Variants in PIP4K2C observed in about 807,000 individuals in gnomAD.
PIP4K2C encodes phosphatidylinositol-5-phosphate 4-kinase type 2 gamma.
PIP4K2C carries 21 observed loss-of-function variants against 45.0 expected under a neutral mutation model. The ratio of observed to expected loss-of-function variants is 0.47; its 90% confidence interval spans 0.33 to 0.67. The LOEUF (loss-of-function observed/expected upper bound fraction) is 0.67. Ranked by LOEUF, PIP4K2C falls within the 30% of genes least tolerant of loss-of-function variation. PIP4K2C has a pLI of 0.02. For missense variants in PIP4K2C, 456 were observed against 542.8 expected (o/e 0.84, Z 1.59); for synonymous variants, 201 against 204.8 (o/e 0.98, Z 0.16).
intron 7 of PIP4K2C, 34 bp from the exon 8 acceptor site, chr12:57,600,775 TGA>T (rs1343765923): frequency 3.7e-6 from 6 of 1,611,148 alleles, no homozygotes; most frequent in Non-Finnish European, 4.2e-6. Flanking sequence ...CAGTGAAGAG[TGA>T]GAGAGAGGTG....
chr12:57,600,229 C>A, intron 6 of PIP4K2C, 95 bp from the exon 7 acceptor site: 1 of 703,402 alleles, frequency 1.4e-6, no homozygotes, highest in Non-Finnish European at 2.4e-6. Context: ...TAGATGAGAT[C>A]TAACTGAGCT....
chr12:57,600,789 C>T lies in PIP4K2C; in HGVS notation c.814-22C>T, dbSNP rs192027331. ...GCAGTGAAGAGTGAGAGAGAGGTGT[C>T]TGATTTGTCAGTGGGTCTCAGTTTC... On this transcript the variant is annotated intron_variant, in intron 7 of 9. Transcript: ENST00000354947. 9 of 1,613,418 alleles carry T rather than the reference C, an allele frequency of 5.6e-6. No individual in the cohort carries two copies. In the African/African-American group the frequency reaches 1.2e-4, roughly 21 times the overall value.
chr12:57,595,702 C>CAA (rs67101543), intron 3 of PIP4K2C, among the ~76,000 whole-genome samples, 186 bp from the exon 4 acceptor site: 2 of 101,540 alleles, frequency 2.0e-5, no homozygotes, highest in African/African-American at 3.6e-5. Flanking sequence ...GACTCCTTGT[C>CAA]AAAAAAAAAA....
rs528065941 is a variant in PIP4K2C, at chr12:57,601,408, C to T, written c.1185+60C>T. The stretch of plus-strand genomic sequence containing the variant: ...TGACTATTCTTTGGGAATAGAGTCT[C>T]TTGTGCCAGAGCAATGGGGTGGCAA... On this transcript the variant is annotated intron_variant, in intron 9 of 9. Coordinates refer to ENST00000354947, the MANE Select transcript of PIP4K2C (RefSeq NM_024779.5). The T allele has an allele frequency of 1.8e-4, 286 of 1,554,030 alleles. 1 individual carries two copies. The African/African-American group carries it at 3.6e-3, about 19-fold the overall frequency.
intron 4 of PIP4K2C, among the ~76,000 whole-genome samples, chr12:57,598,764 G>T (rs1288367484): frequency 6.6e-6 from 1 of 152,074 alleles, no homozygotes; most frequent in South Asian, 2.1e-4. Context: ...TATAGAAAGG[G>T]TCTAAAATAA....
chr12:57,600,204 A>G (rs1883368432), intron 6 of PIP4K2C, 120 bp from the exon 7 acceptor site: 1 of 585,266 alleles, frequency 1.7e-6, no homozygotes, highest in East Asian at 3.0e-5. Context: ...CCAGGGAAGC[A>G]TCACAGTGTG....
Position 57,594,981 on chromosome 12 carries a change from T to C in PIP4K2C, c.273-145T>C, listed in dbSNP as rs11172260. The stretch of plus-strand genomic sequence containing the variant: ...GAGACTCTGTCTCAAAAAATAATAA[T>C]AACAAATAAAAATTAAAAAAAAAGG... On this transcript the variant is annotated intron_variant, in intron 2 of 9. Coordinates refer to ENST00000354947, the MANE Select transcript of PIP4K2C (RefSeq NM_024779.5). 4.6e-4 allele frequency: 265 copies of C among 578,384 alleles called. 1 individual carries two copies. In the East Asian group the frequency reaches 7.2e-3, roughly 16 times the overall value. 35.8% of individuals were successfully genotyped at this position (578,384 alleles called of 1,614,324 possible).
chr12:57,595,183 C>T lies in PIP4K2C; in HGVS notation c.330C>T (p.Asn110=). ...AGTATTGTCCCCAGGTCTTCAGGAA[C>T]CTCCGTGATCGATTTGGCATTGATG... The part of the protein sequence containing the change: ...FKEYCPQVFR[N]LRDRFGIDDQ... The change falls in exon 3 of 10, where the codon AAC becomes AAT. Residue 110 remains asparagine, a synonymous_variant. Transcript: ENST00000354947. 6.2e-7 allele frequency: 1 copy of T among 1,612,382 alleles called. No individual in the cohort carries two copies. The highest frequency in any genetic ancestry group is 8.5e-7 in the Non-Finnish European group (1 of 1,178,440).
chr12:57,599,900 C>T (rs799830), intron 6 of PIP4K2C, among the ~76,000 whole-genome samples: 139,833 of 152,104 alleles, frequency 0.92, 65,408 homozygotes, highest in East Asian at 1. Context: ...AAAAATTAGC[C>T]GGGCGTGGTG....
In PIP4K2C at chr12:57,602,015, G is replaced by C. The variant is rs1346365530; in HGVS notation, c.*409G>C. 1 of 209,614 alleles carries C rather than the reference G, an allele frequency of 4.8e-6. No homozygotes were observed. Among genetic ancestry groups the C allele is most frequent in the Non-Finnish European group, 9.8e-6 (1 of 102,150 alleles). The allele number at this position is 209,614 out of a possible 1,614,324, so 13.0% of individuals were successfully genotyped here. Reference sequence around the variant, plus strand: ...GCAACTACTCTGGATGCACTTTGCTGTGTGGGATGAACTAAAAGTGTCTGA... The same window carrying C: ...GCAACTACTCTGGATGCACTTTGCTCTGTGGGATGAACTAAAAGTGTCTGA... On this transcript the variant is annotated 3_prime_UTR_variant, in exon 10 of 10. Transcript: ENST00000354947.
intron 1 of PIP4K2C, among the ~76,000 whole-genome samples, chr12:57,592,746 A>G (rs1883016857): frequency 6.6e-6 from 1 of 152,000 alleles, no homozygotes; most frequent in African/African-American, 2.4e-5. Flanking sequence ...TAGCCCCAGC[A>G]CCCCACCCTC....
At chr12:57,593,290 T>G (rs2140182445) in intron 1 of PIP4K2C, among the ~76,000 whole-genome samples, 1 of 152,270 alleles carries the variant, frequency 6.6e-6, no homozygotes, top group South Asian at 2.1e-4. Context: ...AGAGCTCCCT[T>G]TCTACCCTGA....
chr12:57,594,466 A>G (rs1407647864), intron 2 of PIP4K2C, among the ~76,000 whole-genome samples: 1 of 152,146 alleles, frequency 6.6e-6, no homozygotes, highest in African/African-American at 2.4e-5. Flanking sequence ...AAGCCCTCCT[A>G]GGAAAAGAAG....
At chr12:57,596,433 C>A (rs1032108657) in intron 4 of PIP4K2C, among the ~76,000 whole-genome samples, 1 of 150,222 alleles carries the variant, frequency 6.7e-6, no homozygotes, top group Non-Finnish European at 1.5e-5. Flanking sequence ...TGTAGTGAGC[C>A]GAGATCGTGC....
chr12:57,591,528 T>C (rs1005579922), intron 1 of PIP4K2C, 65 bp downstream of exon 1: 19 of 1,481,068 alleles, frequency 1.3e-5, no homozygotes, highest in Non-Finnish European at 1.6e-5. Flanking sequence ...CGTCCCTGTT[T>C]CCAGGCTCCA....
Position 57,601,523 on chromosome 12 carries a change from C to T in PIP4K2C, c.1186-3C>T. On this transcript the variant is annotated splice_polypyrimidine_tract_variant and splice_region_variant and intron_variant, in intron 9 of 9. Transcript: ENST00000354947. ...ACATATTGTTCCGTATCTCCTCTCA[C>T]AGGCTGGGGCAGAGATCTCTACTGT... The T allele has an allele frequency of 6.2e-7, 1 of 1,611,806 alleles. No homozygotes were observed. Among genetic ancestry groups the T allele is most frequent in the Non-Finnish European group, 8.5e-7 (1 of 1,177,922 alleles).
chr12:57,598,860 T>G (rs1883303246), intron 4 of PIP4K2C, among the ~76,000 whole-genome samples: 1 of 152,222 alleles, frequency 6.6e-6, no homozygotes, highest in Middle Eastern at 3.4e-3. Flanking sequence ...GATGTACAAA[T>G]GGAAGGAATC....
intron 1 of PIP4K2C, among the ~76,000 whole-genome samples, chr12:57,593,362 G>A (rs1476498223): frequency 6.6e-6 from 1 of 152,188 alleles, no homozygotes; most frequent in African/African-American, 2.4e-5. Context: ...CCTTTGGGCT[G>A]TGGATTAGTT....
intron 1 of PIP4K2C, 89 bp downstream of exon 1, chr12:57,591,552 C>T: frequency 7.3e-7 from 1 of 1,378,638 alleles, no homozygotes; most frequent in Non-Finnish European, 9.8e-7. Context: ...TCCGGAGCCC[C>T]ACGCAGTGCC....
Sources: gnomAD v4.1 joint callset for allele counts (sites outside exome capture counted in the v4.1 genomes callset) on GRCh38, gnomAD v4.1.1 for gene constraint, MANE v1.5 for transcripts, NCBI Gene and HGNC (gene_info 2026-07-23, HGNC 2026-07-21) for gene names.